MDGA2: variants seen among roughly 807,000 people sequenced by gnomAD.
The protein encoded by MDGA2 is MAM domain-containing glycosylphosphatidylinositol anchor protein 2.
A neutral mutation model predicts 117.8 loss-of-function variants in MDGA2; 40 were observed. The ratio of observed to expected loss-of-function variants is 0.34; its 90% CI spans 0.26 to 0.44. The LOEUF (loss-of-function observed/expected upper bound fraction) is 0.44. Among genes scored for constraint, MDGA2 ranks in the 20% least tolerant of loss-of-function variants. MDGA2 has a pLI of 1.00. For missense variants in MDGA2, 1,123 were observed against 1,250.6 expected, an observed-to-expected ratio of 0.90 and a Z score of 1.54; for synonymous variants, 452 against 439.0, an observed-to-expected ratio of 1.03 and a Z score of -0.37.
intron 8 of MDGA2, among the ~76,000 whole-genome samples, chr14:47,005,737 C>G (rs552478029): frequency 6.6e-6 from 1 of 151,534 alleles, no homozygotes; most frequent in Admixed American, 6.6e-5. Flanking sequence ...TATTTTTCAT[C>G]TCCCTATATG....
intron 1 of MDGA2, among the ~76,000 whole-genome samples, chr14:47,340,981 G>A (rs956337264): frequency 3.9e-5 from 6 of 152,140 alleles, no homozygotes; most frequent in African/African-American, 1.4e-4. Flanking sequence ...TTGGTTGCTT[G>A]TACTGATGAT....
intron 1 of MDGA2, among the ~76,000 whole-genome samples, chr14:47,656,795 G>C (rs1297072977): frequency 2.0e-5 from 3 of 152,118 alleles, no homozygotes; most frequent in African/African-American, 7.2e-5. Flanking sequence ...AATTCTACAA[G>C]TCCTCCATCA....
rs913849809 is a variant in MDGA2 at position 47,022,190 on chromosome 14, A to C, written c.1819+12821T>G. Among the ~76,000 whole-genome samples, 3 of 152,226 alleles carry C rather than the reference A, an allele frequency of 2.0e-5. No individual in the cohort carries two copies. The East Asian group carries it at 5.8e-4, about 29-fold the overall frequency. The stretch of plus-strand genomic sequence containing the variant: ...GCCCTGACCTCCACAGGCTCAGGTA[A>C]GTCTTCCACCTCAGCCTCCCAAGTA... On this transcript the variant is annotated intron_variant, in intron 8 of 16. Coordinates refer to ENST00000399232, the MANE Select transcript of MDGA2 (RefSeq NM_001113498.3).
chr14:47,223,253 C>A lies in MDGA2; in HGVS notation c.421-5058G>T, dbSNP rs1257178777. Among the ~76,000 whole-genome samples the A allele has an allele frequency of 2.0e-5, 3 of 152,168 alleles. No homozygotes were observed. In the South Asian group the frequency reaches 6.2e-4, roughly 32 times the overall value. On this transcript the variant is annotated intron_variant, in intron 2 of 16. Transcript: ENST00000399232. ...AAGTTAAGGTGGGTGGGAACACAAC[C>A]AAACCATATCAACAGTGAAAAGAAT...
chr14:47,588,558 C>T (rs1425635674), intron 1 of MDGA2, among the ~76,000 whole-genome samples: 2 of 151,558 alleles, frequency 1.3e-5, no homozygotes, highest in East Asian at 3.9e-4. Context: ...AATTCTTTGG[C>T]CATTTTTTAA....
chr14:47,533,684 T>C (rs1187769285), intron 1 of MDGA2, among the ~76,000 whole-genome samples: 2 of 152,214 alleles, frequency 1.3e-5, no homozygotes, highest in African/African-American at 2.4e-5. Context: ...ACACTGACTG[T>C]GTCACGGTAT....
chr14:47,467,061 C>T (rs1893619505), intron 1 of MDGA2, among the ~76,000 whole-genome samples: 1 of 151,990 alleles, frequency 6.6e-6, no homozygotes, highest in African/African-American at 2.4e-5. Context: ...GAAGGTGCCA[C>T]TAAGGAAGTA....
At chr14:47,584,856 T>C (rs1444516276) in intron 1 of MDGA2, among the ~76,000 whole-genome samples, 1 of 151,840 alleles carries the variant, frequency 6.6e-6, no homozygotes, top group Non-Finnish European at 1.5e-5. Context: ...CTCATTTTGT[T>C]TCATGGCTTC....
intron 1 of MDGA2, among the ~76,000 whole-genome samples, chr14:47,361,201 CTCTCTCTATA>C (rs1297266784): frequency 7.6e-6 from 1 of 131,836 alleles, no homozygotes; most frequent in African/African-American, 2.8e-5. Flanking sequence ...CTCTCTCTCT[CTCTCTCTATA>C]TATATATATA....
intron 8 of MDGA2, among the ~76,000 whole-genome samples, chr14:47,010,065 A>C (rs1370767159): frequency 6.6e-6 from 1 of 151,998 alleles, no homozygotes; most frequent in Non-Finnish European, 1.5e-5. Flanking sequence ...GTAGGATTGA[A>C]TCTTCCTCCA....
intron 10 of MDGA2, among the ~76,000 whole-genome samples, chr14:46,891,823 T>A (rs1360595509): frequency 6.6e-6 from 1 of 151,464 alleles, no homozygotes; most frequent in Non-Finnish European, 1.5e-5. Context: ...AAGGCTTTTT[T>A]ATAATACTTA....
intron 6 of MDGA2, among the ~76,000 whole-genome samples, chr14:47,082,553 A>G (rs538373185): frequency 2.2e-4 from 34 of 152,210 alleles, no homozygotes; most frequent in Non-Finnish European, 4.1e-4. Flanking sequence ...TCAGCCACTG[A>G]TTGGAATGAA....
chr14:47,607,704 C>A (rs1396613106), intron 1 of MDGA2, among the ~76,000 whole-genome samples: 1 of 152,018 alleles, frequency 6.6e-6, no homozygotes, highest in African/African-American at 2.4e-5. Flanking sequence ...TCCTTGCATC[C>A]AGAGTAAGTG....
intron 1 of MDGA2, among the ~76,000 whole-genome samples, chr14:47,491,134 T>A (rs2138653625): frequency 6.6e-6 from 1 of 152,156 alleles, no homozygotes; most frequent in East Asian, 1.9e-4. Flanking sequence ...TAAGCAGAAT[T>A]TTTTTTGTTA....
At chr14:47,337,491 A>C (rs1890495605) in intron 1 of MDGA2, among the ~76,000 whole-genome samples, 1 of 152,096 alleles carries the variant, frequency 6.6e-6, no homozygotes, top group South Asian at 2.1e-4. Flanking sequence ...TGTCAATTGA[A>C]TTAAAAGAGA....
intron 6 of MDGA2, among the ~76,000 whole-genome samples, chr14:47,071,553 T>C (rs934896188): frequency 6.6e-6 from 1 of 152,030 alleles, no homozygotes; most frequent in African/African-American, 2.4e-5. Flanking sequence ...TCTGTGGGTT[T>C]TTTTTTTCTC....
At chr14:47,603,078 G>T (rs1340756788) in intron 1 of MDGA2, among the ~76,000 whole-genome samples, 4 of 152,112 alleles carry the variant, frequency 2.6e-5, no homozygotes, top group Admixed American at 2.0e-4. Context: ...CAATTTAGGG[G>T]TTTAAATTGA....
intron 2 of MDGA2, among the ~76,000 whole-genome samples, chr14:47,286,013 G>T (rs1316131181): frequency 1.3e-5 from 2 of 151,364 alleles, no homozygotes; most frequent in Non-Finnish European, 3.0e-5. Flanking sequence ...TTATGTTTAG[G>T]GTCCTATATT....
At chr14:47,384,347 C>T (rs1891710245) in intron 1 of MDGA2, among the ~76,000 whole-genome samples, 1 of 150,842 alleles carries the variant, frequency 6.6e-6, no homozygotes, top group African/African-American at 2.4e-5. Context: ...ACTATACAAC[C>T]TCATTTTGAT....
Sources: allele counts gnomAD v4.1 joint callset (sites outside exome capture counted in the v4.1 genomes callset), GRCh38; gene constraint gnomAD v4.1.1; transcripts MANE v1.5; gene names NCBI Gene and HGNC (gene_info 2026-07-23, HGNC 2026-07-21).